WAS: variants seen among roughly 807,000 people sequenced by gnomAD.
WAS encodes actin nucleation-promoting factor WAS.
A neutral mutation model predicts 38.9 loss-of-function variants in WAS; 1 was observed. The observed-to-expected ratio is 0.03, with a 90% CI of 0.01 to 0.12. The LOEUF (loss-of-function observed/expected upper bound fraction) is 0.12, where lower values mean the gene tolerates loss of function less well. Among genes scored for constraint, WAS ranks in the 10% least tolerant of loss-of-function variants. The probability of loss-of-function intolerance (pLI) is 1.00; values close to 1 mark genes in which losing one functional copy is unlikely to be tolerated. For synonymous variants in WAS, 182 were observed against 173.6 expected (o/e 1.05, Z -0.38); for missense variants, 311 against 431.2 (o/e 0.72, Z 2.47).
rs782401032 is a variant in WAS at position 48,686,972 on chromosome X, A to T, written c.734+17A>T. 1.3e-5 allele frequency: 16 copies of T among 1,194,813 alleles called. No homozygotes were observed. The highest frequency in any genetic ancestry group is 1.8e-5 in the Non-Finnish European group (16 of 886,146). On this transcript the variant is annotated intron_variant, in intron 7 of 11. Transcript: ENST00000376701. ...TGGATTCAAGTGAGAGCCACTCCCC[A>T]GTGGACCCACAGATTCCTGGGGGCA...
At chrX:48,680,572 G>A (rs782814641), upstream of WAS, among the ~76,000 whole-genome samples, 1 of 111,474 alleles carries the variant, frequency 9.0e-6, no homozygotes, top group Non-Finnish European at 1.9e-5. Context: ...CTTCCTAACT[G>A]CTCATTATAC....
Position 48,686,123 on chromosome X carries a change from G to A in WAS, c.548G>A (p.Gly183Glu), listed in dbSNP as rs2147264317. The A allele has an allele frequency of 1.6e-6, 2 of 1,212,245 alleles. No homozygotes were observed. Among genetic ancestry groups the A allele is most frequent in the South Asian group, 3.5e-5 (2 of 57,049 alleles). Residue 183 changes from glycine to glutamate, a missense_variant, in exon 6 of 12, where the codon GGA (glycine) becomes GAA (glutamate). This residue lies in a region of WAS where 74 missense variants were observed against 131.2 expected (regional missense o/e 0.56). Coordinates refer to ENST00000376701, the MANE Select transcript of WAS (RefSeq NM_000377.3). The stretch of plus-strand genomic sequence containing the variant: ...CCACCCCTGCCCCTGCATCCAGGTG[G>A]AGACCAAGGAGGTGCGTGCTGATTC... ...GLPPLPLHPG[G>E]DQGGPPVGPL...
At chrX:48,683,530 G>A (rs1557006143), upstream of WAS, among the ~76,000 whole-genome samples, 2 of 111,749 alleles carry the variant, frequency 1.8e-5, no homozygotes, top group African/African-American at 6.5e-5. Context: ...GATGTGCTAA[G>A]CTCTCGCTGC....
At chrX:48,689,268 A>G (rs2062432188) in intron 10 of WAS, 52 bp from the exon 11 acceptor site, 6 of 1,077,927 alleles carry the variant, frequency 5.6e-6, no homozygotes, top group Non-Finnish European at 7.6e-6. Flanking sequence ...GCGGGGAGAA[A>G]TGCTCCTTTC....
At chrX:48,686,163 G>A (rs782109432) in intron 6 of WAS, 29 bp downstream of exon 6, 1 of 1,205,922 alleles carries the variant, frequency 8.3e-7, no homozygotes, top group Admixed American at 2.2e-5. Context: ...CTGTGTCTCT[G>A]GATGGATGGG....
Position 48,689,027 on chromosome X carries a change from G to T in WAS, c.1299G>T (p.Ala433=). 1 of 1,205,223 alleles carries T rather than the reference G, an allele frequency of 8.3e-7. No individual in the cohort carries two copies. Reference sequence around the variant, plus strand: ...TGGCCCCTGGTGGGGGTCGGGGAGCGCTTTTGGATCAAATCCGGCAGGGAA... The same window carrying T: ...TGGCCCCTGGTGGGGGTCGGGGAGCTCTTTTGGATCAAATCCGGCAGGGAA... ...GGLAPGGGRG[A]LLDQIRQGIQ... Residue 433 remains alanine (A), a synonymous_variant, in exon 10 of 12, where the codon GCG becomes GCT. Transcript: ENST00000376701.
At chrX:48,679,268 C>T (rs1409968782), upstream of WAS, among the ~76,000 whole-genome samples, 2 of 111,163 alleles carry the variant, frequency 1.8e-5, no homozygotes, top group Non-Finnish European at 3.8e-5. Flanking sequence ...AAGCGATCCA[C>T]CTATCTTGGC....
At chrX:48,688,030 C>A (rs781889846) in intron 7 of WAS, 24 bp from the exon 8 acceptor site, 4 of 1,199,691 alleles carry the variant, frequency 3.3e-6, no homozygotes, top group Non-Finnish European at 3.4e-6. Context: ...TGAGGATTCA[C>A]TGGAGTCTCT....
At chrX:48,683,776 C>T, upstream of WAS, 1 of 1,170,309 alleles carries the variant, frequency 8.5e-7, no homozygotes, top group East Asian at 3.1e-5. Flanking sequence ...TTCCTGTTCC[C>T]TTGCTGCTCA....
chrX:48,686,211 G>GT lies in WAS; in HGVS notation c.559+78dup. The GT allele has an allele frequency of 3.6e-6, 4 of 1,100,365 alleles. No homozygotes were observed. The Admixed American group carries it at 6.7e-5, about 19-fold the overall frequency. The allele number at this position is 1,100,365 out of a possible 1,213,427, so 90.7% of individuals were successfully genotyped here. A position where few individuals can be genotyped will look rare whatever the true frequency, so the allele number is the denominator to read the frequency against. ...GAGGAATGAGGAGTTGGATGGGTGC[G>GT]TAAGTGGGTGAATGGATAGGTAGAT... On this transcript the variant is annotated intron_variant, in intron 6 of 11. Coordinates refer to ENST00000376701, the MANE Select transcript of WAS (RefSeq NM_000377.3).
upstream of WAS, among the ~76,000 whole-genome samples, chrX:48,681,723 A>G (rs782651941): frequency 8.0e-5 from 9 of 112,295 alleles, no homozygotes; most frequent in Non-Finnish European, 1.5e-4. Flanking sequence ...TGCCCTGATC[A>G]GCAGGTTGGA....
upstream of WAS, chrX:48,683,764 A>G (rs1424439981): frequency 2.6e-6 from 3 of 1,138,435 alleles, no homozygotes; most frequent in East Asian, 6.4e-5. Context: ...GGTTTTTTGC[A>G]TTTCCTGTTC....
intron 1 of WAS, 84 bp from the exon 2 acceptor site, chrX:48,684,199 T>C (rs1354906175): frequency 1.7e-6 from 2 of 1,190,552 alleles, no homozygotes; most frequent in Non-Finnish European, 2.3e-6. Context: ...ATGACTGTCA[T>C]GAGGCAGGAA....
At chrX:48,689,135 G>T in intron 10 of WAS, 69 bp downstream of exon 10, 2 of 1,087,593 alleles carry the variant, frequency 1.8e-6, no homozygotes, top group Non-Finnish European at 2.5e-6. Flanking sequence ...TCAGGATACT[G>T]GGGGGCTGAG....
At chrX:48,679,032 CT>C (rs1365720507), upstream of WAS, among the ~76,000 whole-genome samples, 40 of 101,445 alleles carry the variant, frequency 3.9e-4, 1 homozygote, top group Middle Eastern at 9.8e-3. Flanking sequence ...GTTTTTCTTT[CT>C]TTTTTTTTTT....
intron 7 of WAS, 111 bp from the exon 8 acceptor site, chrX:48,687,943 A>T: frequency 1.2e-6 from 1 of 800,788 alleles, no homozygotes; most frequent in Non-Finnish European, 1.9e-6. Flanking sequence ...CTCATTCATT[A>T]ATTCTGGCCC....
rs1296957685 is a variant in WAS, at chrX:48,687,037, GGATGGGCA to G, written c.734+96_734+103del. 5 of 1,111,034 alleles carry G rather than the reference GGATGGGCA, an allele frequency of 4.5e-6. No individual in the cohort carries two copies. The South Asian group carries it at 5.8e-5, about 13-fold the overall frequency. 91.6% of individuals were successfully genotyped at this position (1,111,034 alleles called of 1,213,427 possible). On this transcript the variant is annotated intron_variant, in intron 7 of 11. Coordinates refer to ENST00000376701, the MANE Select transcript of WAS (RefSeq NM_000377.3). ...CAAGTGGACAGCTGAGTGAATGGAA[GGATGGGCA>G]GATGGGCAGATGGCTGGGTGGCTGA...
chrX:48,679,640 G>A (rs2062397244), upstream of WAS, among the ~76,000 whole-genome samples: 1 of 110,106 alleles, frequency 9.1e-6, no homozygotes, highest in African/African-American at 3.3e-5. Flanking sequence ...GATAATTAGC[G>A]AGGCATGGTG....
At chrX:48,678,547 ATGGGG>A (rs1431585976) in intron 1 of WAS, among the ~76,000 whole-genome samples, 1 of 111,362 alleles carries the variant, frequency 9.0e-6, no homozygotes, top group Non-Finnish European at 1.9e-5. Context: ...GGGGAAGGTG[ATGGGG>A]TCCATCCTGG....
Sources: gnomAD v4.1 joint callset for allele counts (sites outside exome capture counted in the v4.1 genomes callset) on GRCh38, gnomAD v4.1.1 for gene constraint, gnomAD v4.1.1 regional missense constraint, MANE v1.5 for transcripts, NCBI Gene and HGNC (gene_info 2026-07-23, HGNC 2026-07-21) for gene names.